The following ELN variants were observed in gnomAD, a reference collection of about 807,000 sequenced individuals.
ELN encodes the protein elastin, also known as tropoelastin.
In ELN, 65 loss-of-function variants were observed where a neutral mutation model predicts 105.8. The ratio of observed to expected loss-of-function variants is 0.61; its 90% CI spans 0.50 to 0.75. The LOEUF is 0.75. Among genes scored for constraint, ELN ranks in the 30% least tolerant of loss-of-function variants. The probability of loss-of-function intolerance (pLI) is 0.00; values close to 1 mark genes in which losing one functional copy is unlikely to be tolerated. For synonymous variants in ELN, 368 were observed against 389.2 expected, an observed-to-expected ratio of 0.95 and a Z score of 0.64; for missense variants, 882 against 969.4, an observed-to-expected ratio of 0.91 and a Z score of 1.20.
chr7:74,045,322 T>G (rs1554671477), intron 10 of ELN, 29 bp downstream of exon 10: 1 of 1,612,944 alleles, frequency 6.2e-7, no homozygotes. Context: ...AGAGGGCTGA[T>G]GGCAGGGACT....
intron 13 of ELN, 82 bp from the exon 14 acceptor site, chr7:74,048,060 C>T (rs1260200081): frequency 1.3e-6 from 2 of 1,565,470 alleles, no homozygotes; most frequent in Non-Finnish European, 8.8e-7. Flanking sequence ...ACAGCTTGGG[C>T]CCCGAGGGCA....
chr7:74,060,022 C>T lies in ELN; in HGVS notation c.1551C>T (p.Pro517=), dbSNP rs782808496. 11 of 1,613,780 alleles carry T rather than the reference C, an allele frequency of 6.8e-6. No individual in the cohort carries two copies. The highest frequency in any genetic ancestry group is 5.5e-5 in the South Asian group (5 of 91,064). ...VGVAPGVGVA[P]GIGPGGVAAA... Reference sequence around the variant, plus strand: ...TGGCTCCTGGCGTTGGCGTGGCTCCCGGCATTGGCCCTGGTGGAGTTGCAG... The same window carrying T: ...TGGCTCCTGGCGTTGGCGTGGCTCCTGGCATTGGCCCTGGTGGAGTTGCAG... Residue 517 remains proline, a synonymous_variant, in exon 23 of 33, where the codon CCC becomes CCT. Coordinates refer to ENST00000252034, the MANE Select transcript of ELN (RefSeq NM_000501.4).
intron 8 of ELN, chr7:74,043,491 G>T: frequency 1.5e-6 from 1 of 685,670 alleles, no homozygotes; most frequent in Non-Finnish European, 2.7e-6. Flanking sequence ...GGCAGAGCTG[G>T]GGGAGCCCCG....
At chr7:74,031,783 A>G (rs1788701537) in intron 1 of ELN, among the ~76,000 whole-genome samples, 1 of 149,654 alleles carries the variant, frequency 6.7e-6, no homozygotes, top group Non-Finnish European at 1.5e-5. Flanking sequence ...TTTAAAAAGA[A>G]AGAAAAAGAA....
chr7:74,069,139 C>A lies in ELN; in HGVS notation c.*439C>A. Reference sequence around the variant, plus strand: ...TCCCAGCTCCCCCTGCCCACCAGGACCCACCGTTGGCTGCCATCCAGTTGG... The same window carrying A: ...TCCCAGCTCCCCCTGCCCACCAGGAACCACCGTTGGCTGCCATCCAGTTGG... On this transcript the variant is annotated 3_prime_UTR_variant, in exon 33 of 33. Transcript: ENST00000252034. 3.4e-6 allele frequency: 1 copy of A among 297,702 alleles called. No homozygotes were observed. Among genetic ancestry groups the A allele is most frequent in the Non-Finnish European group, 6.4e-6 (1 of 155,604 alleles). The allele number at this position is 297,702 out of a possible 1,614,324, so 18.4% of individuals were successfully genotyped here.
intron 32 of ELN, among the ~76,000 whole-genome samples, chr7:74,067,255 C>A (rs1554689791): frequency 6.7e-6 from 1 of 150,056 alleles, no homozygotes; most frequent in Non-Finnish European, 1.5e-5. Context: ...CCCGTCTCTA[C>A]TAAAAATACT....
chr7:74,042,766 T>C (rs747607110), intron 6 of ELN, 60 bp downstream of exon 6: 109 of 1,595,758 alleles, frequency 6.8e-5, no homozygotes, highest in Non-Finnish European at 8.6e-5. Flanking sequence ...GCCCTCCGCT[T>C]TGCAAAGAAC....
At position 74,063,635 on chromosome 7, in the gene ELN, G is replaced by C; in HGVS notation, c.1933G>C (p.Ala645Pro). ...TGTCTCCACAGGCCTAGTGGGAGCCGCTGGGCTCGGAGGACTCGGAGTCGG... is the reference window on the plus strand; with the variant it reads ...TGTCTCCACAGGCCTAGTGGGAGCCCCTGGGCTCGGAGGACTCGGAGTCGG... ...KAAQFGLVGA[A>P]GLGGLGVGGL... The change falls in exon 29 of 33, where the codon GCT becomes CCT. Residue 645 changes from alanine (A) to proline (P), a missense_variant. Physicochemically the swap from Ala to Pro is conservative, Grantham distance 27. Coordinates refer to ENST00000252034, the MANE Select transcript of ELN (RefSeq NM_000501.4). This position sits in a 1 kb window ranked among gnomAD's most constrained non-coding sequence, Gnocchi z 4.1. The C allele has an allele frequency of 6.2e-7, 1 of 1,614,212 alleles. No homozygotes were observed. Among genetic ancestry groups the C allele is most frequent in the Non-Finnish European group, 8.5e-7 (1 of 1,180,046 alleles).
chr7:74,046,016 CAA>C, intron 10 of ELN, 170 bp from the exon 11 acceptor site: 1 of 854,376 alleles, frequency 1.2e-6, no homozygotes, highest in Non-Finnish European at 1.8e-6. Context: ...GCCTGGGCGA[CAA>C]GAGCGAAACT....
chr7:74,056,226 T>C (rs1795190408), intron 19 of ELN, 45 bp from the exon 20 acceptor site: 4 of 1,613,606 alleles, frequency 2.5e-6, no homozygotes, highest in Non-Finnish European at 3.4e-6. Context: ...CCGCCCAGCC[T>C]CTCTCACTGA....
chr7:74,057,300 C>T, intron 21 of ELN: 1 of 1,175,668 alleles, frequency 8.5e-7, no homozygotes. Context: ...TTCTCTTCTT[C>T]CTCCGATTCT....
At chr7:74,035,521 C>T (rs2131158916) in intron 2 of ELN, 107 bp downstream of exon 2, 1 of 1,330,028 alleles carries the variant, frequency 7.5e-7, no homozygotes, top group South Asian at 1.2e-5. Context: ...GACACGCCTA[C>T]CAGAAGTCAC....
At chr7:74,057,244 T>TAA in intron 21 of ELN, 10 of 665,036 alleles carry the variant, frequency 1.5e-5, no homozygotes, top group Non-Finnish European at 1.8e-5. Context: ...ACTCTAAAAA[T>TAA]AAAAAAAAAA....
rs782509254 is a variant in ELN at position 74,057,379 on chromosome 7, G to A, written c.1358-261G>A. The A allele has an allele frequency of 2.3e-5, 35 of 1,497,252 alleles. No homozygotes were observed. Among genetic ancestry groups the A allele is most frequent in the Admixed American group, 2.3e-4 (10 of 43,594 alleles). 92.7% of individuals were successfully genotyped at this position (1,497,252 alleles called of 1,614,324 possible). On this transcript the variant is annotated intron_variant, in intron 21 of 32. Coordinates refer to ENST00000252034, the MANE Select transcript of ELN (RefSeq NM_000501.4). Reference sequence around the variant, plus strand: ...CAAGGCTGAAAGTTCTCCACTCCCCGAGGTGCTGCAGGAGCAGGAGTGCTG... The same window carrying A: ...CAAGGCTGAAAGTTCTCCACTCCCCAAGGTGCTGCAGGAGCAGGAGTGCTG...
At chr7:74,038,503 G>A (rs1554666900) in intron 4 of ELN, among the ~76,000 whole-genome samples, 2 of 152,264 alleles carry the variant, frequency 1.3e-5, no homozygotes, top group Admixed American at 1.3e-4. Context: ...TCGCCCAAGG[G>A]GCTGGGATCT....
At chr7:74,066,341 T>C (rs929127450) in intron 31 of ELN, among the ~76,000 whole-genome samples, 3 of 151,812 alleles carry the variant, frequency 2.0e-5, no homozygotes, top group African/African-American at 4.8e-5. Context: ...CCTAGGTGGG[T>C]GGATCACTTG....
intron 9 of ELN, 37 bp from the exon 10 acceptor site, chr7:74,045,185 C>G (rs372767425): frequency 1.2e-5 from 20 of 1,612,806 alleles, no homozygotes; most frequent in Non-Finnish European, 1.6e-5. Flanking sequence ...GCCTGCAAGG[C>G]CTGCCTTCCT....
At chr7:74,064,580 C>T (rs1191393839) in intron 29 of ELN, among the ~76,000 whole-genome samples, 1 of 152,072 alleles carries the variant, frequency 6.6e-6, no homozygotes, top group Non-Finnish European at 1.5e-5. Flanking sequence ...CACGCCGCTG[C>T]ACTCCAGCCT....
At position 74,063,329 on chromosome 7, in the gene ELN, CGCTGCCGCAGCCAAAGCT is replaced by C. The variant is rs1337161292; in HGVS notation, c.1885_1902del (p.Ala629_Ala634del). On this transcript the variant is annotated inframe_deletion, in exon 28 of 33. Transcript: ENST00000252034. This position sits in a 1 kb window ranked among gnomAD's most constrained non-coding sequence, Gnocchi z 4.1. Reference sequence around the variant, plus strand: ...TCCCAGGAGCCGGACCCGCCGCCGCCGCTGCCGCAGCCAAAGCTGCTGCCAAAGCCGCCCAGTTTGGTG... The same window carrying C: ...TCCCAGGAGCCGGACCCGCCGCCGCCGCTGCCAAAGCCGCCCAGTTTGGTG... 2 of 1,550,986 alleles carry C rather than the reference CGCTGCCGCAGCCAAAGCT, an allele frequency of 1.3e-6. No homozygotes were observed. The highest frequency in any genetic ancestry group is 2.7e-5 in the African/African-American group (2 of 73,308).
Sources: allele counts gnomAD v4.1 joint callset (sites outside exome capture counted in the v4.1 genomes callset), GRCh38; gene constraint gnomAD v4.1.1; non-coding constraint Gnocchi (gnomAD v3.1); transcripts MANE v1.5; gene names NCBI Gene and HGNC (gene_info 2026-07-23, HGNC 2026-07-21).